Variants in CCDC85A observed in about 807,000 individuals in gnomAD.
CCDC85A encodes coiled-coil domain containing 85A.
In CCDC85A, 38 loss-of-function variants were observed where a neutral mutation model predicts 50.2. The ratio of observed to expected loss-of-function variants is 0.76; its 90% CI spans 0.58 to 0.99. The LOEUF (loss-of-function observed/expected upper bound fraction) is 0.99, where lower values mean the gene tolerates loss of function less well. CCDC85A is among the 50% of genes least tolerant of loss of function. The pLI is 0.00. For missense variants in CCDC85A, 820 were observed against 742.0 expected, an observed-to-expected ratio of 1.11 and a Z score of -1.22; for synonymous variants, 366 against 301.4, an observed-to-expected ratio of 1.21 and a Z score of -2.22.
At chr2:56,273,393 A>G (rs1051917358) in intron 2 of CCDC85A, among the ~76,000 whole-genome samples, 1 of 152,156 alleles carries the variant, frequency 6.6e-6, no homozygotes, top group African/African-American at 2.4e-5. Flanking sequence ...CAGTATTCCA[A>G]TGATGGGAAA....
intron 2 of CCDC85A, among the ~76,000 whole-genome samples, chr2:56,250,536 T>TAGA (rs1242228265): frequency 6.6e-6 from 1 of 152,082 alleles, no homozygotes; most frequent in Non-Finnish European, 1.5e-5. Flanking sequence ...TTACCTAGGG[T>TAGA]AGAAGCTCAG....
In CCDC85A at chr2:56,354,320, G is replaced by A. The variant is rs558852288; in HGVS notation, c.1317+11365G>A. On this transcript the variant is annotated intron_variant, in intron 3 of 5. Coordinates refer to ENST00000407595, the MANE Select transcript of CCDC85A (RefSeq NM_001080433.2). ...GACAAAGAGACGACAAAGACATGAG[G>A]TATCACACATTAGTTTTTTCAGTGA... 3.9e-5 allele frequency among the ~76,000 whole-genome samples: 6 copies of A among 152,248 alleles called. No homozygotes were observed. The East Asian group carries it at 1.2e-3, about 29-fold the overall frequency.
At chr2:56,273,195 A>C (rs966494243) in intron 2 of CCDC85A, among the ~76,000 whole-genome samples, 6 of 152,140 alleles carry the variant, frequency 3.9e-5, no homozygotes, top group African/African-American at 1.4e-4. Context: ...AGATAAGAAA[A>C]CTAGGAGATC....
intron 2 of CCDC85A, among the ~76,000 whole-genome samples, chr2:56,335,791 G>A (rs1674042916): frequency 1.3e-5 from 2 of 151,884 alleles, no homozygotes; most frequent in Admixed American, 6.6e-5. Flanking sequence ...TAGTAGAGAC[G>A]GGATTTCACC....
At chr2:56,308,662 T>G (rs1294391862) in intron 2 of CCDC85A, among the ~76,000 whole-genome samples, 2 of 152,154 alleles carry the variant, frequency 1.3e-5, no homozygotes, top group Non-Finnish European at 2.9e-5. Flanking sequence ...TCCCTGAAAT[T>G]TAAGAGGAAA....
At chr2:56,312,218 G>A (rs1159641887) in intron 2 of CCDC85A, among the ~76,000 whole-genome samples, 1 of 152,086 alleles carries the variant, frequency 6.6e-6, no homozygotes, top group Non-Finnish European at 1.5e-5. Context: ...CAAGCACCCT[G>A]AGGGCAGCTC....
intron 2 of CCDC85A, among the ~76,000 whole-genome samples, chr2:56,269,655 G>T (rs896350703): frequency 1.3e-5 from 2 of 152,104 alleles, no homozygotes; most frequent in African/African-American, 4.8e-5. Context: ...TTCAGTTGTC[G>T]TAAGTCAAGC....
At chr2:56,278,269 G>A (rs1359998414) in intron 2 of CCDC85A, among the ~76,000 whole-genome samples, 1 of 151,866 alleles carries the variant, frequency 6.6e-6, no homozygotes, top group Non-Finnish European at 1.5e-5. Flanking sequence ...TAAATGAACT[G>A]GACTTTTTTT....
intron 2 of CCDC85A, among the ~76,000 whole-genome samples, chr2:56,329,353 C>T (rs540926168): frequency 6.6e-6 from 1 of 152,260 alleles, no homozygotes; most frequent in Admixed American, 6.5e-5. Context: ...CCTGTTTTCC[C>T]TACTAGAATG....
chr2:56,350,958 C>T (rs1322157278), intron 3 of CCDC85A, among the ~76,000 whole-genome samples: 3 of 144,906 alleles, frequency 2.1e-5, no homozygotes, highest in Non-Finnish European at 3.0e-5. Flanking sequence ...CCCATTAACT[C>T]GTCATTTAGC....
chr2:56,195,018 G>A (rs1181912777), intron 2 of CCDC85A, among the ~76,000 whole-genome samples: 1 of 152,172 alleles, frequency 6.6e-6, no homozygotes, highest in African/African-American at 2.4e-5. Context: ...GTAATGGGAA[G>A]GTAAAGTTAA....
intron 2 of CCDC85A, among the ~76,000 whole-genome samples, chr2:56,225,070 C>T (rs1032026917): frequency 3.0e-5 from 4 of 132,688 alleles, no homozygotes. Flanking sequence ...ATAGTTGGGT[C>T]TACAATCCAT....
chr2:56,352,423 G>C (rs576175550), intron 3 of CCDC85A, among the ~76,000 whole-genome samples: 1 of 152,234 alleles, frequency 6.6e-6, no homozygotes, highest in Non-Finnish European at 1.5e-5. Context: ...GCGGCTCACT[G>C]CAATCTCCGC....
chr2:56,317,321 T>C (rs984358350), intron 2 of CCDC85A, among the ~76,000 whole-genome samples: 1 of 152,146 alleles, frequency 6.6e-6, no homozygotes, highest in African/African-American at 2.4e-5. Context: ...GAGATTTACT[T>C]TCCATATTAA....
chr2:56,239,651 G>T (rs1047495324), intron 2 of CCDC85A, among the ~76,000 whole-genome samples: 2 of 152,086 alleles, frequency 1.3e-5, no homozygotes, highest in Admixed American at 6.6e-5. Context: ...CTTTGCTAAG[G>T]GGGTTCATCA....
chr2:56,199,745 C>A (rs532821858), intron 2 of CCDC85A, among the ~76,000 whole-genome samples: 4 of 152,166 alleles, frequency 2.6e-5, no homozygotes, highest in African/African-American at 9.7e-5. Context: ...AGATAACTGC[C>A]CTGCTTAGAA....
chr2:56,193,069 C>G lies in CCDC85A; in HGVS notation c.869C>G (p.Pro290Arg). ...CACAAACCCTTGTGCAAGGGCAGCC[C>G]CGAACAGCAAAGGCACCCGCATCCA... is the stretch of plus-strand genomic sequence containing the variant. ...EHHKPLCKGSPEQQRHPHPGS... is the reference protein window; with the variant it reads ...EHHKPLCKGSREQQRHPHPGS... The change falls in exon 2 of 6, where the codon CCC becomes CGC. Residue 290 changes from proline to arginine, a missense_variant. Transcript: ENST00000407595. The G allele has an allele frequency of 6.2e-7, 1 of 1,613,904 alleles. No homozygotes were observed. The highest frequency in any genetic ancestry group is 8.5e-7 in the Non-Finnish European group (1 of 1,179,882).
intron 2 of CCDC85A, among the ~76,000 whole-genome samples, chr2:56,293,429 A>G (rs1480192723): frequency 1.3e-5 from 2 of 152,228 alleles, no homozygotes. Context: ...CAAAGATTTC[A>G]TAGCAAAAAC....
intron 5 of CCDC85A, chr2:56,383,877 C>A: frequency 2.0e-6 from 1 of 502,394 alleles, no homozygotes; most frequent in Non-Finnish European, 2.6e-6. Context: ...ACTTTTAGAG[C>A]TTTTTTTAAA....
Sources: allele counts gnomAD v4.1 joint callset (sites outside exome capture counted in the v4.1 genomes callset), GRCh38; gene constraint gnomAD v4.1.1; transcripts MANE v1.5; gene names NCBI Gene and HGNC (gene_info 2026-07-23, HGNC 2026-07-21).